Variants in VPS13D observed in about 807,000 individuals in gnomAD.
The protein encoded by VPS13D is vacuolar protein sorting 13 homolog D.
Under a neutral mutation model 461.9 loss-of-function variants are expected in VPS13D, and 187 were observed. That is an observed-to-expected ratio of 0.40 (90% confidence interval 0.36 to 0.46). The LOEUF (loss-of-function observed/expected upper bound fraction) is 0.46, where lower values mean the gene tolerates loss of function less well. Among genes scored for constraint, VPS13D ranks in the 20% least tolerant of loss-of-function variants. VPS13D has a pLI of 0.60. For missense variants in VPS13D, 4,711 were observed against 5,364.9 expected, an observed-to-expected ratio of 0.88 and a Z score of 3.81; for synonymous variants, 1,951 against 1,986.3, an observed-to-expected ratio of 0.98 and a Z score of 0.47.
chr1:12,332,693 T>C (rs1170280174), intron 37 of VPS13D, among the ~76,000 whole-genome samples: 1 of 152,154 alleles, frequency 6.6e-6, no homozygotes, highest in African/African-American at 2.4e-5. Flanking sequence ...AATTTTCTAT[T>C]TCTTAAGTTG....
At chr1:12,300,495 A>G (rs1253567883) in intron 25 of VPS13D, among the ~76,000 whole-genome samples, 1 of 152,108 alleles carries the variant, frequency 6.6e-6, no homozygotes, top group African/African-American at 2.4e-5. Context: ...GGCATGAGCC[A>G]CCATGCCCGG....
intron 35 of VPS13D, 46 bp from the exon 36 acceptor site, chr1:12,327,602 A>G: frequency 4.4e-6 from 7 of 1,592,226 alleles, no homozygotes; most frequent in African/African-American, 1.3e-5. Flanking sequence ...TGGCTAGGGT[A>G]GCTGTGGAAG....
At chr1:12,378,618 A>C (rs1233730985) in intron 56 of VPS13D, 27 bp downstream of exon 56, 2 of 1,510,554 alleles carry the variant, frequency 1.3e-6, no homozygotes, top group African/African-American at 2.8e-5. Context: ...CTTTTGATTC[A>C]AGCTCATTGC....
intron 67 of VPS13D, among the ~76,000 whole-genome samples, chr1:12,481,376 G>C (rs114088792): frequency 0.031 from 4,648 of 152,184 alleles, 106 homozygotes; most frequent in Non-Finnish European, 0.049. Flanking sequence ...AAAGGGCCTA[G>C]CCTCTTTCCC....
At chr1:12,362,043 A>G (rs761470623) in intron 50 of VPS13D, among the ~76,000 whole-genome samples, 4 of 152,004 alleles carry the variant, frequency 2.6e-5, no homozygotes, top group Non-Finnish European at 5.9e-5. Flanking sequence ...TTGTATTTTT[A>G]GTAGAGATGG....
chr1:12,305,134 C>T (rs900589064), intron 26 of VPS13D, among the ~76,000 whole-genome samples: 2 of 152,120 alleles, frequency 1.3e-5, no homozygotes, highest in African/African-American at 2.4e-5. Context: ...AAAATATTAG[C>T]GTAAATTAGG....
chr1:12,467,091 G>GAACA (rs1408070795), intron 67 of VPS13D, among the ~76,000 whole-genome samples: 1 of 152,176 alleles, frequency 6.6e-6, no homozygotes, highest in Non-Finnish European at 1.5e-5. Flanking sequence ...AACCCCAGAA[G>GAACA]AACACTAAGA....
Position 12,505,912 on chromosome 1 carries a change from A to G in VPS13D, c.12795-941A>G, listed in dbSNP as rs1487111566. Among the ~76,000 whole-genome samples the G allele has an allele frequency of 6.6e-6, 1 of 152,208 alleles. No homozygotes were observed. The highest frequency in any genetic ancestry group is 1.5e-5 in the Non-Finnish European group (1 of 68,030). On this transcript the variant is annotated intron_variant, in intron 68 of 69. Coordinates refer to ENST00000620676, the MANE Select transcript of VPS13D (RefSeq NM_015378.4). This position sits in a 1 kb window ranked among gnomAD's most constrained non-coding sequence, Gnocchi z 4.2. ...CTGCCCCCAGGCTTCTGCCCCCTTC[A>G]GAGGACCTGGGAACAACGCCGTTCT...
rs1381695821 is a variant in VPS13D at position 12,363,073 on chromosome 1, G to A, written c.10274G>A (p.Gly3425Glu). The A allele has an allele frequency of 6.2e-7, 1 of 1,613,966 alleles. No individual in the cohort carries two copies. Among genetic ancestry groups the A allele is most frequent in the South Asian group, 1.1e-5 (1 of 91,038 alleles). ...FAQREFARGQ[G>E]TANPEGYIST... ...AGCCTGTGATCCTATGTGTTTTAGG[G>A]AACAGCCAATCCCGAAGGTTACATT... The change falls in exon 52 of 70, where the codon GGA becomes GAA. Residue 3425 changes from glycine (G) to glutamate (E), a missense_variant and splice_region_variant. Gly to Glu is a moderately conservative substitution (Grantham distance 98, BLOSUM62 -2). Transcript: ENST00000620676.
chr1:12,382,892 G>A (rs2101649952), intron 57 of VPS13D, 84 bp from the exon 58 acceptor site: 1 of 1,292,324 alleles, frequency 7.7e-7, no homozygotes, highest in South Asian at 1.5e-5. Flanking sequence ...TGTAAATTTA[G>A]GAACTTGTTT....
chr1:12,499,570 T>C, intron 68 of VPS13D: 1 of 985,316 alleles, frequency 1.0e-6, no homozygotes, highest in African/African-American at 1.7e-5. Flanking sequence ...AAAACTGGAA[T>C]CGAAATGAAA....
At chr1:12,309,431 G>A (rs1307480517) in intron 27 of VPS13D, among the ~76,000 whole-genome samples, 3 of 151,394 alleles carry the variant, frequency 2.0e-5, no homozygotes, top group Admixed American at 1.3e-4. Context: ...GGATGGTCTC[G>A]ATCTCTTGAC....
chr1:12,327,941 T>G, intron 36 of VPS13D, 87 bp downstream of exon 36: 1 of 1,282,502 alleles, frequency 7.8e-7, no homozygotes, highest in Admixed American at 2.5e-5. Flanking sequence ...TTGTCATTCA[T>G]ACTCTATTTA....
chr1:12,304,796 G>T lies in VPS13D; in HGVS notation c.6439+68G>T. The T allele has an allele frequency of 2.0e-6, 3 of 1,470,166 alleles. No homozygotes were observed. In the South Asian group the frequency reaches 3.5e-5, roughly 17 times the overall value. The allele number at this position is 1,470,166 out of a possible 1,614,324, so 91.1% of individuals were successfully genotyped here. A position where few individuals can be genotyped will look rare whatever the true frequency, so the allele number is the denominator to read the frequency against. On this transcript the variant is annotated intron_variant, in intron 26 of 69. Transcript: ENST00000620676. Reference sequence around the variant, plus strand: ...TTCACAGGACTGTTGAGGAAACTGAGGGGGGTGGGCATTGTGTTCAAGCAA... The same window carrying T: ...TTCACAGGACTGTTGAGGAAACTGATGGGGGTGGGCATTGTGTTCAAGCAA...
intron 67 of VPS13D, among the ~76,000 whole-genome samples, chr1:12,490,625 A>G (rs1304626255): frequency 1.3e-5 from 2 of 152,312 alleles, no homozygotes; most frequent in African/African-American, 2.4e-5. Flanking sequence ...GATGCAGCCC[A>G]CAGCATGGTG....
chr1:12,403,344 G>A (rs142788848), intron 62 of VPS13D, among the ~76,000 whole-genome samples: 6 of 152,306 alleles, frequency 3.9e-5, no homozygotes, highest in African/African-American at 7.2e-5. Context: ...GTGATATTAC[G>A]TCTTTACAGC....
intron 68 of VPS13D, chr1:12,499,696 G>A: frequency 1.0e-6 from 1 of 985,428 alleles, no homozygotes; most frequent in Non-Finnish European, 1.2e-6. Flanking sequence ...CAAGTTGTGG[G>A]TTAAATCTTG....
chr1:12,426,742 C>G lies in VPS13D; in HGVS notation c.12333+9915C>G, dbSNP rs933234038. Among the ~76,000 whole-genome samples, 3 of 152,156 alleles carry G rather than the reference C, an allele frequency of 2.0e-5. 1 individual carries two copies. ...TTTTAAATTTAGTTCTGCAGCCGGG[C>G]ACAGTGGTTCACACCTGCAATCCCA... On this transcript the variant is annotated intron_variant, in intron 65 of 69. Transcript: ENST00000620676.
intron 65 of VPS13D, among the ~76,000 whole-genome samples, chr1:12,418,938 C>T (rs1020922199): frequency 3.9e-5 from 6 of 152,102 alleles, no homozygotes; most frequent in African/African-American, 1.4e-4. Flanking sequence ...GGAGAGACCT[C>T]CTAGGAGTTT....
Sources: allele counts gnomAD v4.1 joint callset (sites outside exome capture counted in the v4.1 genomes callset), GRCh38; gene constraint gnomAD v4.1.1; non-coding constraint Gnocchi (gnomAD v3.1); transcripts MANE v1.5; gene names NCBI Gene and HGNC (gene_info 2026-07-23, HGNC 2026-07-21).